MACROD2: variants seen among roughly 807,000 people sequenced by gnomAD.
MACROD2 encodes the protein mono-ADP ribosylhydrolase 2, also known as ADP-ribose glycohydrolase MACROD2.
Under a neutral mutation model 70.4 loss-of-function variants are expected in MACROD2, and 36 were observed. The ratio of observed to expected loss-of-function variants is 0.51; its 90% CI spans 0.39 to 0.68. The LOEUF (loss-of-function observed/expected upper bound fraction) is 0.68. Among genes scored for constraint, MACROD2 ranks in the 30% least tolerant of loss-of-function variants. MACROD2 has a pLI of 0.00. For synonymous variants in MACROD2, 172 were observed against 178.8 expected (o/e 0.96, Z 0.30); for missense variants, 496 against 538.4 (o/e 0.92, Z 0.78).
chr20:15,413,979 T>A (rs1404394879), intron 6 of MACROD2, among the ~76,000 whole-genome samples: 1 of 152,216 alleles, frequency 6.6e-6, no homozygotes, highest in Non-Finnish European at 1.5e-5. Flanking sequence ...GTGGTTTATA[T>A]CATCCAAGTA....
rs143674348 is a variant in MACROD2, at chr20:16,048,591, C to T, written c.1301-1239C>T. ...ACTGAGATTACTGAAAACCAGGGAC[C>T]GCAGATATAAAATACAGAACCACAA... On this transcript the variant is annotated intron_variant, in intron 17 of 17. Coordinates refer to ENST00000684519, the MANE Select transcript of MACROD2 (RefSeq NM_001351661.2). 1.2e-3 allele frequency among the ~76,000 whole-genome samples: 180 copies of T among 152,100 alleles called. 1 individual carries two copies. Among genetic ancestry groups the T allele is most frequent in the Middle Eastern group, 6.8e-3 (2 of 294 alleles).
At chr20:15,030,784 A>T (rs2075268503) in intron 5 of MACROD2, among the ~76,000 whole-genome samples, 1 of 152,192 alleles carries the variant, frequency 6.6e-6, no homozygotes, top group African/African-American at 2.4e-5. Flanking sequence ...GCAGCAGCAA[A>T]ACTGGAGCTG....
At chr20:14,705,584 G>T (rs1224704399) in intron 5 of MACROD2, among the ~76,000 whole-genome samples, 1 of 152,098 alleles carries the variant, frequency 6.6e-6, no homozygotes, top group East Asian at 1.9e-4. Flanking sequence ...TGCAGACTGG[G>T]CCATCTATTT....
chr20:14,437,516 C>T (rs1264159588), intron 3 of MACROD2, among the ~76,000 whole-genome samples: 1 of 152,044 alleles, frequency 6.6e-6, no homozygotes, highest in Non-Finnish European at 1.5e-5. Context: ...ATCACTTGAA[C>T]CAGGGAAGAA....
intron 5 of MACROD2, among the ~76,000 whole-genome samples, chr20:14,965,720 G>T (rs1007544098): frequency 6.6e-6 from 1 of 151,180 alleles, no homozygotes; most frequent in African/African-American, 2.4e-5. Flanking sequence ...CACCCGTCTC[G>T]GCCTTCCAAA....
At chr20:14,101,023 A>C (rs1045267792) in intron 3 of MACROD2, among the ~76,000 whole-genome samples, 1 of 150,674 alleles carries the variant, frequency 6.6e-6, no homozygotes, top group Non-Finnish European at 1.5e-5. Context: ...TGTCAGTACA[A>C]TTTTTTTATT....
At chr20:14,912,713 A>C (rs1486053981) in intron 5 of MACROD2, among the ~76,000 whole-genome samples, 3 of 152,210 alleles carry the variant, frequency 2.0e-5, no homozygotes, top group Non-Finnish European at 2.9e-5. Context: ...GTCGTCTTCA[A>C]GAGCTGGAAC....
At chr20:15,876,115 G>GTATGTATGTA (rs58389023) in intron 9 of MACROD2, among the ~76,000 whole-genome samples, 14 of 139,044 alleles carry the variant, frequency 1.0e-4, no homozygotes, top group South Asian at 2.2e-4. Flanking sequence ...ATATATATGT[G>GTATGTATGTA]TGTATTTTTT....
intron 4 of MACROD2, among the ~76,000 whole-genome samples, chr20:14,515,987 ATTTAT>A (rs1273485455): frequency 2.7e-5 from 4 of 147,552 alleles, no homozygotes; most frequent in African/African-American, 4.9e-5. Context: ...ATAAAATATA[ATTTAT>A]TTTATATATT....
chr20:15,773,857 GGAA>G lies in MACROD2; in HGVS notation c.646-88879_646-88877del, dbSNP rs570786001. Among the ~76,000 whole-genome samples the G allele has an allele frequency of 1.6e-4, 25 of 152,212 alleles. No homozygotes were observed. In the East Asian group the frequency reaches 3.3e-3, roughly 20 times the overall value. On this transcript the variant is annotated intron_variant, in intron 8 of 17. Transcript: ENST00000684519. ...TCTCGAAGAAAAGTTTGCAAAATAA[GGAA>G]GAAGAAGATGAGGAGATGCAGTCTT...
intron 4 of MACROD2, among the ~76,000 whole-genome samples, chr20:14,535,118 G>A (rs1314788091): frequency 6.6e-6 from 1 of 152,180 alleles, no homozygotes; most frequent in Non-Finnish European, 1.5e-5. Context: ...GATTTTATCT[G>A]AGTACTACTA....
intron 3 of MACROD2, among the ~76,000 whole-genome samples, chr20:14,234,692 A>C (rs2081853027): frequency 6.6e-6 from 1 of 152,092 alleles, no homozygotes; most frequent in African/African-American, 2.4e-5. Flanking sequence ...CCCACCTCAT[A>C]TCTCTGTACA....
In MACROD2 at chr20:15,686,190, T is replaced by G. The variant is rs145494430; in HGVS notation, c.646-176555T>G. ...TGCAATATGCCATAATTTTTTTCAG[T>G]AAACTAGGGGTTGAGACATTTTTGC... On this transcript the variant is annotated intron_variant, in intron 8 of 17. Coordinates refer to ENST00000684519, the MANE Select transcript of MACROD2 (RefSeq NM_001351661.2). Among the ~76,000 whole-genome samples, 383 of 152,290 alleles carry G rather than the reference T, an allele frequency of 2.5e-3. 1 individual carries two copies. The highest frequency in any genetic ancestry group is 4.8e-3 in the Non-Finnish European group (324 of 68,010).
intron 3 of MACROD2, among the ~76,000 whole-genome samples, chr20:14,101,515 C>G (rs1339397813): frequency 2.0e-5 from 3 of 151,918 alleles, no homozygotes; most frequent in Non-Finnish European, 2.9e-5. Context: ...TATAAGGAAG[C>G]CTAAGTTTCC....
intron 5 of MACROD2, among the ~76,000 whole-genome samples, chr20:14,875,416 T>C (rs1046473120): frequency 6.6e-6 from 1 of 152,104 alleles, no homozygotes; most frequent in African/African-American, 2.4e-5. Flanking sequence ...AATTTGTTCA[T>C]CAAAATTTAT....
At chr20:15,179,134 A>G (rs1357559501) in intron 5 of MACROD2, among the ~76,000 whole-genome samples, 1 of 152,182 alleles carries the variant, frequency 6.6e-6, no homozygotes, top group African/African-American at 2.4e-5. Context: ...CTTTCGTGAG[A>G]GTATTGACTG....
intron 3 of MACROD2, among the ~76,000 whole-genome samples, chr20:14,130,714 G>C (rs8119793): frequency 0.23 from 34,741 of 151,882 alleles, 4,064 homozygotes; most frequent in Middle Eastern, 0.28. Flanking sequence ...GGAAAAGAAG[G>C]CTTCACAGTC....
At chr20:15,077,522 T>C (rs1054749709) in intron 5 of MACROD2, among the ~76,000 whole-genome samples, 1 of 152,236 alleles carries the variant, frequency 6.6e-6, no homozygotes, top group Non-Finnish European at 1.5e-5. Context: ...AGTAGTGTGG[T>C]AAATCATTTT....
intron 2 of MACROD2, among the ~76,000 whole-genome samples, chr20:14,040,935 T>C (rs2053381979): frequency 6.6e-6 from 1 of 152,174 alleles, no homozygotes; most frequent in Non-Finnish European, 1.5e-5. Flanking sequence ...AACATTTTCT[T>C]TTAGTAGAAA....
Sources: gnomAD v4.1 joint callset for allele counts (sites outside exome capture counted in the v4.1 genomes callset) on GRCh38, gnomAD v4.1.1 for gene constraint, MANE v1.5 for transcripts, NCBI Gene and HGNC (gene_info 2026-07-23, HGNC 2026-07-21) for gene names.